Variants in TRHDE observed in about 807,000 individuals in gnomAD.
The protein encoded by TRHDE is thyrotropin-releasing hormone-degrading ectoenzyme.
A neutral mutation model predicts 125.7 loss-of-function variants in TRHDE; 72 were observed. The observed-to-expected ratio is 0.57, with a 90% CI of 0.47 to 0.70. The LOEUF (loss-of-function observed/expected upper bound fraction) is 0.70. TRHDE is among the 30% of genes least tolerant of loss of function. TRHDE has a pLI of 0.00. For synonymous variants in TRHDE, 509 were observed against 509.1 expected (o/e 1.00, Z 0.00); for missense variants, 1,110 against 1,327.1 (o/e 0.84, Z 2.54).
At chr12:72,636,400 T>C (rs1012069117) in intron 15 of TRHDE, among the ~76,000 whole-genome samples, 12 of 151,668 alleles carry the variant, frequency 7.9e-5, no homozygotes, top group East Asian at 7.7e-4. Context: ...AAGGAGATTT[T>C]GGGCTGAGAC....
At chr12:72,126,805 CA>C (rs1875723537) in intron 2 of TRHDE, among the ~76,000 whole-genome samples, 1 of 152,076 alleles carries the variant, frequency 6.6e-6, no homozygotes, top group South Asian at 2.1e-4. Flanking sequence ...AATTTATGAG[CA>C]AGTCCTGAAA....
chr12:72,340,203 T>C (rs537492605), intron 2 of TRHDE, among the ~76,000 whole-genome samples: 16 of 152,298 alleles, frequency 1.1e-4, no homozygotes, highest in Admixed American at 4.6e-4. Flanking sequence ...TCATGATTGA[T>C]GATCTGTTAC....
At chr12:72,575,576 T>C (rs1870954806) in intron 12 of TRHDE, 34 bp downstream of exon 12, 2 of 1,603,748 alleles carry the variant, frequency 1.2e-6, no homozygotes, top group African/African-American at 2.7e-5. Context: ...CAATAAAAAC[T>C]TGTGCCTGCA....
At chr12:72,637,224 A>G (rs1426608315) in intron 15 of TRHDE, among the ~76,000 whole-genome samples, 2 of 151,130 alleles carry the variant, frequency 1.3e-5, no homozygotes, top group East Asian at 3.9e-4. Flanking sequence ...TTCCTGGTTT[A>G]GTCTTGGGAG....
intron 18 of TRHDE, 106 bp downstream of exon 18, chr12:72,657,114 C>T (rs1272324030): frequency 2.8e-6 from 2 of 715,088 alleles, no homozygotes; most frequent in Non-Finnish European, 4.9e-6. Context: ...ATTCCTTTTA[C>T]TTACACACGC....
chr12:72,371,624 G>A (rs1871595588), intron 2 of TRHDE, among the ~76,000 whole-genome samples: 2 of 151,348 alleles, frequency 1.3e-5, no homozygotes, highest in African/African-American at 4.9e-5. Context: ...TCCCATCTAT[G>A]AGTGAGAACA....
chr12:72,233,213 T>C (rs1278028677), intron 2 of TRHDE, among the ~76,000 whole-genome samples: 1 of 152,086 alleles, frequency 6.6e-6, no homozygotes, highest in African/African-American at 2.4e-5. Flanking sequence ...TGGGATGAAA[T>C]GGTGCCGAGA....
intron 12 of TRHDE, among the ~76,000 whole-genome samples, chr12:72,615,291 G>A (rs530414535): frequency 6.6e-6 from 1 of 152,014 alleles, no homozygotes; most frequent in Non-Finnish European, 1.5e-5. Flanking sequence ...ATTTTTGTTA[G>A]CAATATTTCC....
intron 15 of TRHDE, among the ~76,000 whole-genome samples, chr12:72,625,471 A>T (rs1873222586): frequency 6.6e-6 from 1 of 151,882 alleles, no homozygotes; most frequent in Admixed American, 6.6e-5. Flanking sequence ...CGAAAAAAAA[A>T]GTCAATTCTA....
At chr12:72,424,028 G>A (rs1251001061) in intron 3 of TRHDE, among the ~76,000 whole-genome samples, 3 of 152,112 alleles carry the variant, frequency 2.0e-5, no homozygotes, top group Non-Finnish European at 4.4e-5. Flanking sequence ...GGATAACCAC[G>A]TACCACAAAA....
intron 2 of TRHDE, among the ~76,000 whole-genome samples, chr12:72,183,029 A>G (rs1424520001): frequency 1.3e-5 from 2 of 152,248 alleles, no homozygotes; most frequent in Middle Eastern, 3.4e-3. Context: ...AATGAGGAAA[A>G]AGTAGCTACC....
At chr12:72,659,507 C>T (rs1021848020) in intron 18 of TRHDE, among the ~76,000 whole-genome samples, 2 of 152,066 alleles carry the variant, frequency 1.3e-5, no homozygotes, top group African/African-American at 4.8e-5. Flanking sequence ...AAGATATAAA[C>T]TTTGTAATAG....
chr12:72,283,206 G>A (rs1001238792), intron 1 of TRHDE, among the ~76,000 whole-genome samples: 2 of 152,246 alleles, frequency 1.3e-5, no homozygotes, highest in African/African-American at 2.4e-5. Flanking sequence ...ATTAAAAGGA[G>A]CAAATGCTTT....
At chr12:72,211,550 A>T (rs1238284870) in intron 2 of TRHDE, among the ~76,000 whole-genome samples, 2 of 152,174 alleles carry the variant, frequency 1.3e-5, no homozygotes, top group Non-Finnish European at 2.9e-5. Flanking sequence ...ACAGTGTACC[A>T]TTTCTAAAAT....
chr12:72,635,409 G>T (rs1440636244), intron 15 of TRHDE, among the ~76,000 whole-genome samples: 1 of 151,492 alleles, frequency 6.6e-6, no homozygotes, highest in Non-Finnish European at 1.5e-5. Flanking sequence ...TTAGCCCTTT[G>T]TCAGATGAGT....
chr12:72,273,192 G>T lies in TRHDE; in HGVS notation c.549G>T (p.Gln183His). ...GGGAGCCGTGGGAGCCGTGGACGCA[G>T]CTGCGCCTGTCGGGCCACCTGAAGC... ...EEREPWEPWT[Q>H]LRLSGHLKPL... The change falls in exon 1 of 19, where the codon CAG (glutamine) becomes CAT (histidine). Residue 183 changes from glutamine (Q) to histidine (H), a missense_variant. Gln to His is a conservative substitution (Grantham distance 24). Coordinates refer to ENST00000261180, the MANE Select transcript of TRHDE (RefSeq NM_013381.3). This position sits in a 1 kb window ranked among gnomAD's most constrained non-coding sequence, Gnocchi z 5.3. The T allele has an allele frequency of 6.2e-7, 1 of 1,601,894 alleles. No homozygotes were observed. The highest frequency in any genetic ancestry group is 1.1e-5 in the South Asian group (1 of 90,568).
chr12:72,131,123 G>C (rs1875851437), intron 2 of TRHDE, among the ~76,000 whole-genome samples: 1 of 141,528 alleles, frequency 7.1e-6, no homozygotes, highest in Non-Finnish European at 1.5e-5. Context: ...CCAGGCTGGA[G>C]TGCAGTGGCG....
At chr12:72,414,359 C>T (rs897503949) in intron 3 of TRHDE, among the ~76,000 whole-genome samples, 1 of 152,022 alleles carries the variant, frequency 6.6e-6, no homozygotes, top group Non-Finnish European at 1.5e-5. Context: ...CAACGAAATT[C>T]ATGTGCTGTA....
At position 72,514,555 on chromosome 12, in the gene TRHDE, C is replaced by T. The variant is rs73346588; in HGVS notation, c.1722+14920C>T. On this transcript the variant is annotated intron_variant, in intron 6 of 18. Transcript: ENST00000261180. ...GTGTATTCAAGAGTTATGCAGGAGA[C>T]ATAAAGATGTATAGAAAAGGCAGTG... Among the ~76,000 whole-genome samples, 257 of 150,918 alleles carry T rather than the reference C, an allele frequency of 1.7e-3. 2 individuals are homozygous for T. Among genetic ancestry groups the T allele is most frequent in the African/African-American group, 6.1e-3 (252 of 41,176 alleles).
Sources: gnomAD v4.1 joint callset for allele counts (sites outside exome capture counted in the v4.1 genomes callset) on GRCh38, gnomAD v4.1.1 for gene constraint, Gnocchi (gnomAD v3.1) non-coding constraint, MANE v1.5 for transcripts, NCBI Gene and HGNC (gene_info 2026-07-23, HGNC 2026-07-21) for gene names.